Variants in TMEM132C observed in about 807,000 individuals in gnomAD.
TMEM132C encodes transmembrane protein 132C.
TMEM132C carries 29 observed loss-of-function variants against 61.4 expected under a neutral mutation model. That is an observed-to-expected ratio of 0.47 (90% CI 0.35 to 0.64). The LOEUF (loss-of-function observed/expected upper bound fraction) is 0.64. Ranked by LOEUF, TMEM132C falls within the 30% of genes least tolerant of loss-of-function variation. The probability of loss-of-function intolerance (pLI) is 0.00; values close to 1 mark genes in which losing one functional copy is unlikely to be tolerated. For synonymous variants in TMEM132C, 656 were observed against 633.1 expected, an observed-to-expected ratio of 1.04 and a Z score of -0.54; for missense variants, 1,408 against 1,476.9, an observed-to-expected ratio of 0.95 and a Z score of 0.76.
chr12:128,298,525 G>T (rs76543403), intron 1 of TMEM132C, among the ~76,000 whole-genome samples: 265 of 152,166 alleles, frequency 1.7e-3, no homozygotes, highest in African/African-American at 6.2e-3. Context: ...ACGTAACTAC[G>T]GTACGTACGA....
At chr12:128,348,667 G>T (rs552237409) in intron 1 of TMEM132C, among the ~76,000 whole-genome samples, 48 of 152,190 alleles carry the variant, frequency 3.2e-4, no homozygotes, top group Non-Finnish European at 1.3e-4. Flanking sequence ...AAAACCTGAG[G>T]CTTATGCCAA....
chr12:128,665,278 C>T (rs532932953), intron 4 of TMEM132C, among the ~76,000 whole-genome samples: 19 of 136,014 alleles, frequency 1.4e-4, no homozygotes, highest in South Asian at 4.2e-4. Context: ...AACAGGCACA[C>T]GCACACACAG....
chr12:128,663,297 G>A (rs1281422349), intron 4 of TMEM132C, among the ~76,000 whole-genome samples: 1 of 152,212 alleles, frequency 6.6e-6, no homozygotes, highest in Non-Finnish European at 1.5e-5. Context: ...TCTGTCTGCG[G>A]ATTTGCCTGG....
chr12:128,433,949 G>T (rs1039972128), intron 2 of TMEM132C, among the ~76,000 whole-genome samples: 3 of 152,216 alleles, frequency 2.0e-5, no homozygotes, highest in African/African-American at 7.2e-5. Context: ...AAAAGAAGGC[G>T]TCAGTGGGCT....
chr12:128,314,604 G>A (rs1189568927), intron 1 of TMEM132C, among the ~76,000 whole-genome samples: 1 of 152,108 alleles, frequency 6.6e-6, no homozygotes, highest in Non-Finnish European at 1.5e-5. Context: ...ACTGGATTCA[G>A]GTGGGCTCTA....
intron 3 of TMEM132C, among the ~76,000 whole-genome samples, chr12:128,581,988 C>T (rs1057332115): frequency 7.9e-5 from 12 of 152,322 alleles, no homozygotes; most frequent in Middle Eastern, 3.4e-3. Flanking sequence ...CCACACCCAA[C>T]TCTGTGGCAG....
At chr12:128,305,349 G>A (rs757716821) in intron 1 of TMEM132C, among the ~76,000 whole-genome samples, 4 of 152,082 alleles carry the variant, frequency 2.6e-5, no homozygotes, top group Non-Finnish European at 5.9e-5. Context: ...AGGAGAAAGA[G>A]CCTTAACATT....
intron 3 of TMEM132C, among the ~76,000 whole-genome samples, chr12:128,609,171 C>T (rs79608944): frequency 0.055 from 5,387 of 98,344 alleles, 300 homozygotes; most frequent in Middle Eastern, 0.081. Flanking sequence ...ACACTGTAAC[C>T]CCCACCTCCC....
intron 3 of TMEM132C, among the ~76,000 whole-genome samples, chr12:128,578,290 G>C (rs1875195692): frequency 6.6e-6 from 1 of 152,162 alleles, no homozygotes; most frequent in African/African-American, 2.4e-5. Context: ...CTGGAAGCGA[G>C]GCAGGCTGCC....
intron 5 of TMEM132C, among the ~76,000 whole-genome samples, chr12:128,674,332 C>CCA (rs1954563050): frequency 6.6e-6 from 1 of 152,180 alleles, no homozygotes; most frequent in South Asian, 2.1e-4. Flanking sequence ...TATGGATATA[C>CCA]CATATTGTGT....
At chr12:128,374,317 GGAA>G in intron 1 of TMEM132C, among the ~76,000 whole-genome samples, 1 of 152,146 alleles carries the variant, frequency 6.6e-6, no homozygotes, top group East Asian at 1.9e-4. Flanking sequence ...CTGGTGTGAG[GGAA>G]GAAGAGGTGT....
intron 4 of TMEM132C, among the ~76,000 whole-genome samples, chr12:128,634,894 C>T (rs1954090229): frequency 6.6e-6 from 1 of 152,174 alleles, no homozygotes; most frequent in Non-Finnish European, 1.5e-5. Flanking sequence ...ATTTCCTTTC[C>T]TTCTGAAGGG....
intron 5 of TMEM132C, among the ~76,000 whole-genome samples, chr12:128,691,815 A>G (rs1036728828): frequency 2.7e-5 from 4 of 146,594 alleles, no homozygotes; most frequent in Non-Finnish European, 6.0e-5. Context: ...TGCACCCATC[A>G]GTTCTTCTAT....
At chr12:128,652,616 G>A (rs538277738) in intron 4 of TMEM132C, among the ~76,000 whole-genome samples, 42 of 152,362 alleles carry the variant, frequency 2.8e-4, no homozygotes, top group East Asian at 1.9e-4. Context: ...AGCGTGCTCC[G>A]GGAAACGGGC....
intron 1 of TMEM132C, among the ~76,000 whole-genome samples, chr12:128,287,996 G>A (rs1415650140): frequency 6.6e-6 from 1 of 151,008 alleles, no homozygotes; most frequent in East Asian, 1.9e-4. Flanking sequence ...ATGATTGTGT[G>A]TTTGGTGCAG....
intron 3 of TMEM132C, among the ~76,000 whole-genome samples, chr12:128,607,255 G>T (rs937598898): frequency 6.6e-6 from 1 of 152,342 alleles, no homozygotes; most frequent in East Asian, 1.9e-4. Flanking sequence ...AGTGGGGCTG[G>T]AGGAGAATGA....
chr12:128,501,718 A>G (rs1025683845), intron 2 of TMEM132C, among the ~76,000 whole-genome samples: 9 of 152,260 alleles, frequency 5.9e-5, no homozygotes, highest in African/African-American at 2.2e-4. Flanking sequence ...ATCTGAATCT[A>G]CAAGATAAAA....
chr12:128,408,596 C>T (rs1868399179), intron 1 of TMEM132C, among the ~76,000 whole-genome samples: 1 of 152,212 alleles, frequency 6.6e-6, no homozygotes, highest in Admixed American at 6.5e-5. Context: ...CTAAATAGTC[C>T]GTGTTTAAGG....
At chr12:128,273,064 A>G (rs1051863335) in intron 1 of TMEM132C, among the ~76,000 whole-genome samples, 1 of 152,210 alleles carries the variant, frequency 6.6e-6, no homozygotes, top group African/African-American at 2.4e-5. Context: ...ACCCAAGGCC[A>G]CAATGATTCC....
Sources: allele counts gnomAD v4.1 joint callset (sites outside exome capture counted in the v4.1 genomes callset), GRCh38; gene constraint gnomAD v4.1.1; transcripts MANE v1.5; gene names NCBI Gene and HGNC (gene_info 2026-07-23, HGNC 2026-07-21).